Variants in TUSC3 observed in about 807,000 individuals in gnomAD.
TUSC3 encodes tumor suppressor candidate 3.
A neutral mutation model predicts 44.8 loss-of-function variants in TUSC3; 45 were observed. The observed-to-expected ratio is 1.00, with a 90% CI of 0.79 to 1.29. TUSC3 has a LOEUF of 1.29. Ranked by LOEUF, TUSC3 falls within the 50% of genes most tolerant of loss-of-function variation. TUSC3 has a pLI of 0.00. For missense variants in TUSC3, 519 were observed against 437.9 expected (o/e 1.19, Z -1.65); for synonymous variants, 212 against 152.9 (o/e 1.39, Z -2.85).
the TUSC3 span, among the ~76,000 whole-genome samples, chr8:15,826,159 C>T: frequency 5.9e-5 from 9 of 152,154 alleles, no homozygotes; most frequent in East Asian, 1.7e-3. Context: ...AGAGTTCATG[C>T]ATTCTTTCTA....
At chr8:15,768,737 G>C (rs942315268), downstream of TUSC3, among the ~76,000 whole-genome samples, 1 of 152,134 alleles carries the variant, frequency 6.6e-6, no homozygotes, top group Non-Finnish European at 1.5e-5. Flanking sequence ...AGCAACTTCA[G>C]AAAAGTCTCA....
chr8:15,469,477 C>A (rs913740886), intron 1 of TUSC3, among the ~76,000 whole-genome samples: 11 of 152,134 alleles, frequency 7.2e-5, no homozygotes, highest in Non-Finnish European at 1.0e-4. Flanking sequence ...ATTAGAATGG[C>A]CAAAATCCAA....
At chr8:15,614,030 TC>T (rs775041481) in intron 1 of TUSC3, among the ~76,000 whole-genome samples, 2,832 of 39,170 alleles carry the variant, frequency 0.072, 32 homozygotes, top group Middle Eastern at 0.13. Context: ...TTTTTTTTTT[TC>T]GGTGGGGGTC....
the TUSC3 span, among the ~76,000 whole-genome samples, chr8:15,822,499 G>A: frequency 3.3e-5 from 5 of 152,114 alleles, no homozygotes; most frequent in African/African-American, 1.2e-4. Context: ...GTCTTTGGAG[G>A]GATGTGAAAA....
chr8:15,474,987 C>A (rs533423377), intron 1 of TUSC3, among the ~76,000 whole-genome samples: 10 of 152,120 alleles, frequency 6.6e-5, no homozygotes, highest in African/African-American at 1.9e-4. Flanking sequence ...TGAAAAGATT[C>A]ATTTCCTTTT....
intron 6 of TUSC3, among the ~76,000 whole-genome samples, chr8:15,716,876 ACTTTAGTAATAGC>A (rs1810081656): frequency 6.6e-6 from 1 of 152,012 alleles, no homozygotes. Context: ...CCTTTTGAGG[ACTTTAGTAATAGC>A]TTCATTTGAG....
intron 1 of TUSC3, among the ~76,000 whole-genome samples, chr8:15,473,787 C>T (rs1015566167): frequency 6.6e-6 from 1 of 152,146 alleles, no homozygotes; most frequent in Non-Finnish European, 1.5e-5. Flanking sequence ...TCTGAGGAAA[C>T]AGGACAAGGC....
At chr8:15,690,130 A>G (rs747441983) in intron 6 of TUSC3, among the ~76,000 whole-genome samples, 1 of 152,112 alleles carries the variant, frequency 6.6e-6, no homozygotes, top group Non-Finnish European at 1.5e-5. Flanking sequence ...TTACACTCCT[A>G]CTGGCAGTGT....
At chr8:15,472,336 A>C (rs1800504650) in intron 1 of TUSC3, among the ~76,000 whole-genome samples, 1 of 152,244 alleles carries the variant, frequency 6.6e-6, no homozygotes, top group Admixed American at 6.5e-5. Context: ...CACAGAAATG[A>C]ACATAAAAGA....
At chr8:15,433,035 T>A (rs1190144743) in intron 1 of TUSC3, among the ~76,000 whole-genome samples, 2 of 152,196 alleles carry the variant, frequency 1.3e-5, no homozygotes, top group Non-Finnish European at 2.9e-5. Flanking sequence ...CCTTAGAAAC[T>A]GAAGGGAGTT....
At chr8:15,729,869 GA>G (rs968953795) in intron 6 of TUSC3, among the ~76,000 whole-genome samples, 8 of 145,296 alleles carry the variant, frequency 5.5e-5, no homozygotes, top group African/African-American at 1.5e-4. Context: ...TTGAAGACGA[GA>G]AAAAAAAAAG....
rs114191926 is a variant in TUSC3, at chr8:15,425,882, A to T, written n.91+8577A>T. On this transcript the variant is annotated intron_variant and non_coding_transcript_variant, in intron 1 of 5. Transcript: ENST00000503191. ...AATAGAAAAATAGGACAAGTGTGGT[A>T]GCTCATGCCTATAATCTCAACACTT... 6.6e-3 allele frequency among the ~76,000 whole-genome samples: 1,000 copies of T among 152,238 alleles called. 13 individuals are homozygous for T. The highest frequency in any genetic ancestry group is 0.023 in the African/African-American group (943 of 41,528).
At chr8:15,689,146 CT>C in intron 6 of TUSC3, 4 of 405,040 alleles carry the variant, frequency 9.9e-6, no homozygotes, top group South Asian at 2.0e-5. Context: ...TCATTTATCG[CT>C]TTTTCTTTCC....
chr8:15,574,130 C>T (rs1408199514), intron 1 of TUSC3, among the ~76,000 whole-genome samples: 1 of 152,092 alleles, frequency 6.6e-6, no homozygotes, highest in Non-Finnish European at 1.5e-5. Flanking sequence ...CACTGGCATT[C>T]AATTGTCAAT....
At chr8:15,829,705 G>C in the TUSC3 span, among the ~76,000 whole-genome samples, 1,257 of 151,998 alleles carry the variant, frequency 8.3e-3, 31 homozygotes, top group African/African-American at 0.029. Flanking sequence ...ACATTTTCCA[G>C]TGAGTTTTTC....
chr8:15,850,217 A>G, the TUSC3 span, among the ~76,000 whole-genome samples: 3 of 152,004 alleles, frequency 2.0e-5, no homozygotes, highest in South Asian at 2.1e-4. Context: ...GACTATGAAC[A>G]TAGATACTAA....
chr8:15,626,412 G>T (rs1401379038), intron 2 of TUSC3, among the ~76,000 whole-genome samples: 1 of 152,204 alleles, frequency 6.6e-6, no homozygotes, highest in East Asian at 1.9e-4. Flanking sequence ...GTGCTCCATA[G>T]AGCCAGTGGG....
chr8:15,447,069 T>C (rs923611532), intron 1 of TUSC3, among the ~76,000 whole-genome samples: 4 of 150,776 alleles, frequency 2.7e-5, no homozygotes, highest in African/African-American at 9.7e-5. Context: ...AAAAATAGGA[T>C]AAGATAATGA....
At chr8:15,472,939 T>C (rs567603094) in intron 1 of TUSC3, among the ~76,000 whole-genome samples, 1 of 152,316 alleles carries the variant, frequency 6.6e-6, no homozygotes, top group African/African-American at 2.4e-5. Context: ...TACAGCTAAG[T>C]AAATAGACTC....
Sources: gnomAD v4.1 joint callset for allele counts (sites outside exome capture counted in the v4.1 genomes callset) on GRCh38, gnomAD v4.1.1 for gene constraint, MANE v1.5 for transcripts, NCBI Gene and HGNC (gene_info 2026-07-23, HGNC 2026-07-21) for gene names.